The following PCDH17 variants were observed in gnomAD, a reference collection of about 807,000 sequenced individuals.
PCDH17 encodes protocadherin-17.
In PCDH17, 21 loss-of-function variants were observed where a neutral mutation model predicts 67.7. That is an observed-to-expected ratio of 0.31 (90% CI 0.22 to 0.45). The LOEUF (loss-of-function observed/expected upper bound fraction) is 0.45. Ranked by LOEUF, PCDH17 falls within the 20% of genes least tolerant of loss-of-function variation. PCDH17 has a pLI of 1.00. For synonymous variants in PCDH17, 701 were observed against 656.7 expected, an observed-to-expected ratio of 1.07 and a Z score of -1.03; for missense variants, 1,471 against 1,564.8, an observed-to-expected ratio of 0.94 and a Z score of 1.01.
chr13:57,683,106 G>C (rs1209863233), intron 3 of PCDH17, among the ~76,000 whole-genome samples: 1 of 151,780 alleles, frequency 6.6e-6, no homozygotes, highest in African/African-American at 2.4e-5. Flanking sequence ...AATTTCATAG[G>C]TATTTTTATT....
In PCDH17 at chr13:57,728,753, C is replaced by T. The variant is rs1955932674; in HGVS notation, c.*3459C>T. The T allele has an allele frequency of 6.6e-6, 1 of 152,054 alleles. No homozygotes were observed. Among genetic ancestry groups the T allele is most frequent in the Admixed American group, 6.6e-5 (1 of 15,258 alleles). The allele number at this position is 152,054 out of a possible 1,614,324, so 9.4% of individuals were successfully genotyped here. On this transcript the variant is annotated 3_prime_UTR_variant, in exon 4 of 4. Coordinates refer to ENST00000377918, the MANE Select transcript of PCDH17 (RefSeq NM_001040429.3). Reference sequence around the variant, plus strand: ...ATTGAATTCCTGGTTGAGAAACTAACTTGTTTTGTTTTCCAAAATTAGCTG... The same window carrying T: ...ATTGAATTCCTGGTTGAGAAACTAATTTGTTTTGTTTTCCAAAATTAGCTG...
intron 3 of PCDH17, among the ~76,000 whole-genome samples, chr13:57,719,739 A>G (rs1049056793): frequency 6.6e-6 from 1 of 152,152 alleles, no homozygotes; most frequent in Middle Eastern, 3.4e-3. Flanking sequence ...CTCCAAAGTA[A>G]GACTTTTTTG....
intron 3 of PCDH17, among the ~76,000 whole-genome samples, chr13:57,698,212 G>A (rs149437929): frequency 6.6e-6 from 1 of 151,098 alleles, no homozygotes; most frequent in African/African-American, 2.4e-5. Context: ...ATAATATATA[G>A]AGAAATATAT....
intron 3 of PCDH17, among the ~76,000 whole-genome samples, chr13:57,721,674 C>A (rs1955872968): frequency 6.6e-6 from 1 of 151,764 alleles, no homozygotes; most frequent in African/African-American, 2.4e-5. Flanking sequence ...GGCAGCTTTC[C>A]CTCCTTCTCC....
chr13:57,685,131 A>T (rs925922411), intron 3 of PCDH17, among the ~76,000 whole-genome samples: 1 of 151,956 alleles, frequency 6.6e-6, no homozygotes, highest in African/African-American at 2.4e-5. Context: ...ATCTTCAAAG[A>T]TAAATAGATG....
chr13:57,685,689 G>A (rs976879352), intron 3 of PCDH17, among the ~76,000 whole-genome samples: 1 of 151,962 alleles, frequency 6.6e-6, no homozygotes, highest in African/African-American at 2.4e-5. Context: ...TGATGAAATT[G>A]TAATCAATTT....
rs1032748337 is a variant in PCDH17, at chr13:57,632,697, G to T, written c.151G>T (p.Ala51Ser). Residue 51 changes from alanine (A) to serine (S), a missense_variant, in exon 1 of 4, where the codon GCA becomes TCA. Transcript: ENST00000377918. ...TCGACTGCAGCCTGGGCTTCCGCCT[G>T]CAGAGCGCGGCGGCGGAGGGCGCAG... ...DARLQPGLPP[A>S]ERGGGGRSKS... 2 of 1,611,504 alleles carry T rather than the reference G, an allele frequency of 1.2e-6. No individual in the cohort carries two copies. The highest frequency in any genetic ancestry group is 8.5e-7 in the Non-Finnish European group (1 of 1,179,918).
intron 3 of PCDH17, among the ~76,000 whole-genome samples, chr13:57,689,939 G>C (rs1955543110): frequency 6.6e-6 from 1 of 151,636 alleles, no homozygotes; most frequent in Admixed American, 6.6e-5. Flanking sequence ...CTTAAAATAA[G>C]ATCTCTAATT....
At position 57,632,371 on chromosome 13, in the gene PCDH17, G is replaced by A. The variant is rs1309900111; in HGVS notation, c.-176G>A. On this transcript the variant is annotated 5_prime_UTR_variant, in exon 1 of 4. Coordinates refer to ENST00000377918, the MANE Select transcript of PCDH17 (RefSeq NM_001040429.3). ...GTAGATCAACAGGTTCAGGGAACTTGAGCAGAATAAGGAGAGACCACCGGG... is the reference window on the plus strand; with the variant it reads ...GTAGATCAACAGGTTCAGGGAACTTAAGCAGAATAAGGAGAGACCACCGGG... 9.5e-6 allele frequency: 6 copies of A among 628,952 alleles called. No homozygotes were observed. Among genetic ancestry groups the A allele is most frequent in the African/African-American group, 1.8e-5 (1 of 54,236 alleles). The allele number at this position is 628,952 out of a possible 1,614,324, so 39.0% of individuals were successfully genotyped here.
At chr13:57,685,932 T>C (rs550375711) in intron 3 of PCDH17, among the ~76,000 whole-genome samples, 1 of 151,604 alleles carries the variant, frequency 6.6e-6, no homozygotes, top group Admixed American at 6.6e-5. Flanking sequence ...ATGAAAAAAT[T>C]TTCTAAAATA....
chr13:57,630,873 A>G (rs1181629881), upstream of PCDH17, among the ~76,000 whole-genome samples: 1 of 152,190 alleles, frequency 6.6e-6, no homozygotes, highest in Non-Finnish European at 1.5e-5. Context: ...AGATCGGAAC[A>G]CCTGCATTTC....
At chr13:57,648,972 A>G (rs1305224663) in intron 1 of PCDH17, among the ~76,000 whole-genome samples, 2 of 152,088 alleles carry the variant, frequency 1.3e-5, no homozygotes, top group African/African-American at 2.4e-5. Flanking sequence ...TAGGAAGTAC[A>G]TTATGTAAAT....
At chr13:57,665,058 A>G (rs1865054423) in intron 1 of PCDH17, among the ~76,000 whole-genome samples, 2 of 152,176 alleles carry the variant, frequency 1.3e-5, no homozygotes, top group African/African-American at 2.4e-5. Context: ...TCATCTTTGC[A>G]TGTACTTTGA....
At chr13:57,703,445 G>A (rs1955687800) in intron 3 of PCDH17, among the ~76,000 whole-genome samples, 1 of 152,090 alleles carries the variant, frequency 6.6e-6, no homozygotes, top group African/African-American at 2.4e-5. Flanking sequence ...GGAGGAGTGA[G>A]CAAAAGGAGA....
chr13:57,720,639 A>G, intron 3 of PCDH17, among the ~76,000 whole-genome samples: 1 of 152,040 alleles, frequency 6.6e-6, no homozygotes, highest in Non-Finnish European at 1.5e-5. Context: ...TGCATAGGTT[A>G]TGAATTTAAG....
At chr13:57,723,034 G>A (rs1318668853) in intron 3 of PCDH17, among the ~76,000 whole-genome samples, 1 of 152,096 alleles carries the variant, frequency 6.6e-6, no homozygotes, top group Non-Finnish European at 1.5e-5. Context: ...ACAGTCTTTC[G>A]ATTTGTAGAT....
intron 1 of PCDH17, among the ~76,000 whole-genome samples, chr13:57,649,803 A>G (rs961008524): frequency 7.4e-4 from 112 of 152,318 alleles, no homozygotes; most frequent in African/African-American, 2.6e-3. Context: ...AAGGGGTATC[A>G]AGATCCTTAA....
rs1302783492 is a variant in PCDH17, at chr13:57,634,644, C to T, written c.2098C>T (p.His700Tyr). 3 of 1,613,496 alleles carry T rather than the reference C, an allele frequency of 1.9e-6. No homozygotes were observed. The highest frequency in any genetic ancestry group is 1.1e-5 in the South Asian group (1 of 91,070). ...GGTACCACGGGTGAATGGCGAGCAG[C>T]ACCACTGGGACATGTCGCTGCCGCT... ...EGVPRVNGEQHHWDMSLPLIV... is the reference protein window; with the variant it reads ...EGVPRVNGEQYHWDMSLPLIV... Residue 700 changes from histidine to tyrosine, a missense_variant, in exon 1 of 4, where the codon CAC becomes TAC. His to Tyr is a moderately conservative substitution (Grantham distance 83). Coordinates refer to ENST00000377918, the MANE Select transcript of PCDH17 (RefSeq NM_001040429.3). This position sits in a 1 kb window ranked among gnomAD's most constrained non-coding sequence, Gnocchi z 7.8.
chr13:57,685,807 C>A (rs1049981498), intron 3 of PCDH17, among the ~76,000 whole-genome samples: 1 of 151,844 alleles, frequency 6.6e-6, no homozygotes, highest in African/African-American at 2.4e-5. Flanking sequence ...GAATTTAGGC[C>A]AGGAACAGTG....
Sources: allele counts gnomAD v4.1 joint callset (sites outside exome capture counted in the v4.1 genomes callset), GRCh38; gene constraint gnomAD v4.1.1; non-coding constraint Gnocchi (gnomAD v3.1); transcripts MANE v1.5; gene names NCBI Gene and HGNC (gene_info 2026-07-23, HGNC 2026-07-21).